Variants in ACTR3B observed in about 807,000 individuals in gnomAD.
The protein encoded by ACTR3B is actin related protein 3B, also known as actin-related protein 3B.
In ACTR3B, 8 loss-of-function variants were observed where a neutral mutation model predicts 59.0. The ratio of observed to expected loss-of-function variants is 0.14; its 90% CI spans 0.08 to 0.24. The LOEUF (loss-of-function observed/expected upper bound fraction) is 0.24, where lower values mean the gene tolerates loss of function less well. Ranked by LOEUF, ACTR3B falls within the 10% of genes least tolerant of loss-of-function variation. The pLI, the probability that ACTR3B is intolerant of heterozygous loss-of-function variation, is 1.00. For missense variants in ACTR3B, 245 were observed against 552.3 expected (o/e 0.44, Z 5.58); for synonymous variants, 148 against 197.9 (o/e 0.75, Z 2.12).
chr7:152,797,298 C>G (rs528899700), intron 2 of ACTR3B, among the ~76,000 whole-genome samples: 1 of 152,024 alleles, frequency 6.6e-6, no homozygotes, highest in African/African-American at 2.4e-5. Flanking sequence ...CCAGGCTGTT[C>G]TGAAACTCCT....
chr7:152,775,190 CAAAAAA>C (rs67260503), intron 1 of ACTR3B, among the ~76,000 whole-genome samples: 62 of 42,628 alleles, frequency 1.5e-3, no homozygotes, highest in African/African-American at 5.0e-3. Flanking sequence ...AACCCTGTCT[CAAAAAA>C]AAAAAAAAAA....
chr7:152,852,301 T>C (rs760382238), intron 10 of ACTR3B, 50 bp downstream of exon 10: 1 of 1,536,328 alleles, frequency 6.5e-7, no homozygotes, highest in Admixed American at 2.3e-5. Context: ...GCCCCAGGCC[T>C]GACCGGGGCC....
intron 4 of ACTR3B, among the ~76,000 whole-genome samples, chr7:152,802,241 G>T (rs371701766): frequency 6.6e-6 from 1 of 152,158 alleles, no homozygotes; most frequent in African/African-American, 2.4e-5. Context: ...TCTCCTTGGA[G>T]TGGGGACCAG....
chr7:152,835,790 T>C (rs893470263), intron 9 of ACTR3B, among the ~76,000 whole-genome samples: 3 of 152,264 alleles, frequency 2.0e-5, no homozygotes, highest in African/African-American at 7.2e-5. Flanking sequence ...CCTAATTTGC[T>C]ACATACTTTA....
At chr7:152,768,200 G>A (rs2098115585) in intron 1 of ACTR3B, among the ~76,000 whole-genome samples, 2 of 152,352 alleles carry the variant, frequency 1.3e-5, no homozygotes, top group South Asian at 4.1e-4. Context: ...TCCAGCCTGG[G>A]CAACAGAGCC....
chr7:152,828,943 G>C (rs958956186), intron 9 of ACTR3B, among the ~76,000 whole-genome samples: 4 of 151,644 alleles, frequency 2.6e-5, no homozygotes, highest in African/African-American at 7.3e-5. Context: ...GCCAGTGGGG[G>C]TTTTTTCTCC....
chr7:152,821,989 A>T (rs1194082966), intron 7 of ACTR3B, among the ~76,000 whole-genome samples: 4 of 152,222 alleles, frequency 2.6e-5, no homozygotes, highest in African/African-American at 9.6e-5. Context: ...TTTCCTAGCA[A>T]GCATTTGAGT....
At chr7:152,779,811 C>T (rs2098146043) in intron 1 of ACTR3B, among the ~76,000 whole-genome samples, 2 of 152,042 alleles carry the variant, frequency 1.3e-5, no homozygotes, top group South Asian at 4.1e-4. Flanking sequence ...TATGTTGGTG[C>T]AGATTTTATT....
intron 9 of ACTR3B, among the ~76,000 whole-genome samples, chr7:152,846,907 TGCA>T (rs1798371887): frequency 6.8e-6 from 1 of 147,796 alleles, no homozygotes; most frequent in Non-Finnish European, 1.5e-5. Flanking sequence ...GGCTGTAGTC[TGCA>T]GTGAGCTCTA....
At chr7:152,815,899 A>G (rs994771479) in intron 5 of ACTR3B, among the ~76,000 whole-genome samples, 1 of 151,828 alleles carries the variant, frequency 6.6e-6, no homozygotes, top group African/African-American at 2.4e-5. Flanking sequence ...ATAATGAAAT[A>G]TCTTTTTCAC....
intron 2 of ACTR3B, among the ~76,000 whole-genome samples, chr7:152,800,043 A>G (rs1229069067): frequency 6.6e-6 from 1 of 152,198 alleles, no homozygotes; most frequent in Non-Finnish European, 1.5e-5. Flanking sequence ...TTTTAATGGG[A>G]TAAATTTTAA....
chr7:152,795,155 C>T (rs1433316370), intron 2 of ACTR3B, among the ~76,000 whole-genome samples: 2 of 152,120 alleles, frequency 1.3e-5, no homozygotes, highest in South Asian at 2.1e-4. Context: ...CTGCCTCAGC[C>T]TCCTGAATAG....
intron 9 of ACTR3B, among the ~76,000 whole-genome samples, chr7:152,836,302 G>T (rs1240553810): frequency 2.0e-5 from 3 of 151,970 alleles, no homozygotes; most frequent in Non-Finnish European, 4.4e-5. Flanking sequence ...CTGATTTTAG[G>T]AAGTCATGTT....
chr7:152,815,191 A>G (rs968693072), intron 5 of ACTR3B, among the ~76,000 whole-genome samples: 4 of 151,976 alleles, frequency 2.6e-5, no homozygotes, highest in South Asian at 2.1e-4. Context: ...GTGTTGCCCA[A>G]ATGTTTTCTG....
intron 2 of ACTR3B, among the ~76,000 whole-genome samples, chr7:152,790,158 A>G (rs1327930702): frequency 1.3e-5 from 2 of 151,872 alleles, no homozygotes; most frequent in East Asian, 3.9e-4. Flanking sequence ...ATGTCTGGCT[A>G]ATTTTTAAAT....
At position 152,832,479 on chromosome 7, in the gene ACTR3B, G is replaced by A. The variant is rs539065299; in HGVS notation, c.951+7357G>A. 4.4e-3 allele frequency among the ~76,000 whole-genome samples: 672 copies of A among 152,322 alleles called. 8 individuals are homozygous for A. The highest frequency in any genetic ancestry group is 0.039 in the South Asian group (189 of 4,832). ...GGTCAGGCTTTTAAGGATGAGCAGA[G>A]AAAGAAGGGCAGAGAGATTGTTAGT... On this transcript the variant is annotated intron_variant, in intron 9 of 11. Coordinates refer to ENST00000256001, the MANE Select transcript of ACTR3B (RefSeq NM_020445.6).
intron 2 of ACTR3B, among the ~76,000 whole-genome samples, chr7:152,789,852 G>A (rs1377096523): frequency 2.0e-5 from 3 of 152,028 alleles, no homozygotes; most frequent in South Asian, 2.1e-4. Context: ...TGCTTTTTCA[G>A]ATTAAAACAG....
chr7:152,778,619 C>A lies in ACTR3B; in HGVS notation c.45-4568C>A, dbSNP rs563456713. On this transcript the variant is annotated intron_variant, in intron 1 of 11. Transcript: ENST00000256001. ...TTTTTTCATAGAGTACCTAAACACA[C>A]AGTGTTTTAAATAATAAGACAAAAT... Among the ~76,000 whole-genome samples the A allele has an allele frequency of 1.3e-3, 203 of 151,712 alleles. 1 individual carries two copies. Among genetic ancestry groups the A allele is most frequent in the African/African-American group, 4.6e-3 (192 of 41,362 alleles).
chr7:152,807,295 T>G (rs1229800837), intron 4 of ACTR3B, among the ~76,000 whole-genome samples: 9 of 152,138 alleles, frequency 5.9e-5, no homozygotes, highest in Non-Finnish European at 8.8e-5. Context: ...ATTTAGTATA[T>G]TTTCATTTAA....
Sources: allele counts gnomAD v4.1 joint callset (sites outside exome capture counted in the v4.1 genomes callset), GRCh38; gene constraint gnomAD v4.1.1; transcripts MANE v1.5; gene names NCBI Gene and HGNC (gene_info 2026-07-23, HGNC 2026-07-21).